MAP2K4: variants seen among roughly 807,000 people sequenced by gnomAD.
MAP2K4 encodes dual specificity mitogen-activated protein kinase kinase 4.
In MAP2K4, 4 loss-of-function variants were observed where a neutral mutation model predicts 48.5. The ratio of observed to expected loss-of-function variants is 0.08; its 90% CI spans 0.04 to 0.19. The LOEUF is 0.19. Ranked by LOEUF, MAP2K4 falls within the 10% of genes least tolerant of loss-of-function variation. The pLI is 1.00. For missense variants in MAP2K4, 258 were observed against 493.3 expected, an observed-to-expected ratio of 0.52 and a Z score of 4.52; for synonymous variants, 166 against 173.1, an observed-to-expected ratio of 0.96 and a Z score of 0.32.
intron 2 of MAP2K4, among the ~76,000 whole-genome samples, chr17:12,060,741 G>T (rs903567461): frequency 6.6e-6 from 1 of 151,988 alleles, no homozygotes; most frequent in African/African-American, 2.4e-5. Flanking sequence ...GTGTGTGTGT[G>T]TGTGTGCGCG....
intron 1 of MAP2K4, among the ~76,000 whole-genome samples, chr17:12,035,772 G>A (rs569449907): frequency 6.6e-6 from 1 of 152,288 alleles, no homozygotes; most frequent in South Asian, 2.1e-4. Context: ...TGATAAGTCT[G>A]AGTACTGGCT....
intron 1 of MAP2K4, among the ~76,000 whole-genome samples, chr17:12,041,970 C>T (rs1479161359): frequency 1.3e-5 from 2 of 151,994 alleles, no homozygotes; most frequent in African/African-American, 4.8e-5. Flanking sequence ...CACCTGAGGT[C>T]AGGAGTTTGA....
At chr17:12,086,135 A>T (rs2151552716) in intron 3 of MAP2K4, among the ~76,000 whole-genome samples, 1 of 152,272 alleles carries the variant, frequency 6.6e-6, no homozygotes, top group Non-Finnish European at 1.5e-5. Flanking sequence ...GGCCGCAGTG[A>T]TCATATTTGA....
intron 6 of MAP2K4, among the ~76,000 whole-genome samples, chr17:12,111,911 T>C (rs969552053): frequency 2.6e-5 from 4 of 152,144 alleles, no homozygotes; most frequent in African/African-American, 7.2e-5. Flanking sequence ...CAGTTCCCAC[T>C]ATCATGTCTA....
In MAP2K4 at chr17:12,081,869, G is replaced by A. The variant is rs545537857; in HGVS notation, c.393+339G>A. 2.6e-5 allele frequency: 14 copies of A among 540,092 alleles called. No homozygotes were observed. The East Asian group carries it at 4.0e-4, about 15-fold the overall frequency. 33.5% of individuals were successfully genotyped at this position (540,092 alleles called of 1,614,324 possible). A position where few individuals can be genotyped will look rare whatever the true frequency, so the allele number is the denominator to read the frequency against. On this transcript the variant is annotated intron_variant, in intron 3 of 10. Coordinates refer to ENST00000353533, the MANE Select transcript of MAP2K4 (RefSeq NM_003010.4). This position sits in a 1 kb window ranked among gnomAD's most constrained non-coding sequence, Gnocchi z 4.2. The stretch of plus-strand genomic sequence containing the variant: ...AGGGCAGTGCTGCACTGAGCCAGGC[G>A]GGAGCTGGAAGAAGACGCAGCACAC...
chr17:12,107,315 C>T (rs1972144934), intron 4 of MAP2K4, among the ~76,000 whole-genome samples: 1 of 150,830 alleles, frequency 6.6e-6, no homozygotes, highest in Non-Finnish European at 1.5e-5. Flanking sequence ...GTAGGCCTCA[C>T]TGAGAAGGTG....
At position 12,086,530 on chromosome 17, in the gene MAP2K4, C is replaced by A. The variant is rs528611425; in HGVS notation, c.393+5000C>A. Among the ~76,000 whole-genome samples the A allele has an allele frequency of 2.6e-5, 4 of 152,164 alleles. No individual in the cohort carries two copies. The South Asian group carries it at 6.2e-4, about 24-fold the overall frequency. On this transcript the variant is annotated intron_variant, in intron 3 of 10. Coordinates refer to ENST00000353533, the MANE Select transcript of MAP2K4 (RefSeq NM_003010.4). Reference sequence around the variant, plus strand: ...CCATTAACAGAATTGGATGTGCAACCCAAGAAATAAAACAGCCAAAATCAG... The same window carrying A: ...CCATTAACAGAATTGGATGTGCAACACAAGAAATAAAACAGCCAAAATCAG...
intron 2 of MAP2K4, among the ~76,000 whole-genome samples, chr17:12,076,279 C>CTGTGTGTGTGTGTGTGTGTG (rs372806903): frequency 5.2e-5 from 7 of 135,174 alleles, no homozygotes; most frequent in Admixed American, 7.5e-5. Context: ...TGTCACAGTT[C>CTGTGTGTGTGTGTGTGTGTG]TGTGTGTGTG....
chr17:12,020,932 A>C lies in MAP2K4; in HGVS notation c.46A>C (p.Ser16Arg), dbSNP rs17855590. The C allele has an allele frequency of 3.4e-4, 391 of 1,143,792 alleles. 1 individual carries two copies. Among genetic ancestry groups the C allele is most frequent in the Non-Finnish European group, 3.7e-4 (350 of 935,590 alleles). The allele number at this position is 1,143,792 out of a possible 1,614,324, so 70.9% of individuals were successfully genotyped here. The change falls in exon 1 of 11, where the codon AGC becomes CGC. Residue 16 changes from serine to arginine, a missense_variant. Physicochemically the swap from Ser to Arg is moderately radical, Grantham distance 110. Around this residue, in one of 3 missense-constraint regions of MAP2K4, gnomAD observed 69 missense variants for 56.2 expected, o/e 1.23. Coordinates refer to ENST00000353533, the MANE Select transcript of MAP2K4 (RefSeq NM_003010.4). ...CGGCGGCGGCGGCTCCGGGGGCGGC[A>C]GCGGCAGCGGCACCCCCGGCCCCGT... ...PSGGGGSGGGSGSGTPGPVGS... is the reference protein window; with the variant it reads ...PSGGGGSGGGRGSGTPGPVGS...
intron 1 of MAP2K4, among the ~76,000 whole-genome samples, chr17:12,038,518 C>T (rs1969673334): frequency 6.6e-6 from 1 of 151,996 alleles, no homozygotes; most frequent in South Asian, 2.1e-4. Flanking sequence ...TCTATATATA[C>T]CTTCGACAGA....
chr17:12,032,208 C>A, intron 1 of MAP2K4: 1 of 887,032 alleles, frequency 1.1e-6, no homozygotes, highest in South Asian at 2.3e-5. Flanking sequence ...TGTCATGTTC[C>A]AATTTTGGTT....
intron 7 of MAP2K4, among the ~76,000 whole-genome samples, chr17:12,121,520 A>AGCC (rs1298634138): frequency 6.8e-6 from 1 of 148,008 alleles, no homozygotes; most frequent in Non-Finnish European, 1.5e-5. Context: ...GCTTGCAGTG[A>AGCC]GCCGAGATCG....
chr17:12,089,514 C>G (rs1263511757), intron 3 of MAP2K4, among the ~76,000 whole-genome samples: 2 of 152,150 alleles, frequency 1.3e-5, no homozygotes, highest in African/African-American at 4.8e-5. Context: ...TGATTGAATT[C>G]GTTACCTTGC....
chr17:12,120,090 C>T (rs1412392922), intron 7 of MAP2K4, among the ~76,000 whole-genome samples: 1 of 152,156 alleles, frequency 6.6e-6, no homozygotes, highest in African/African-American at 2.4e-5. Flanking sequence ...GTCTGTACAA[C>T]AGACCTCTGT....
intron 1 of MAP2K4, among the ~76,000 whole-genome samples, chr17:12,049,089 A>G (rs1970055105): frequency 6.6e-6 from 1 of 152,220 alleles, no homozygotes; most frequent in African/African-American, 2.4e-5. Flanking sequence ...GTTTGACTGT[A>G]AAGTTGCATA....
intron 2 of MAP2K4, among the ~76,000 whole-genome samples, chr17:12,066,687 C>T (rs12941427): frequency 0.17 from 25,586 of 152,122 alleles, 2,529 homozygotes; most frequent in South Asian, 0.3. Context: ...CACTACCACA[C>T]ATGGCTAATT....
chr17:12,064,393 A>G (rs528826097), intron 2 of MAP2K4, among the ~76,000 whole-genome samples: 2 of 152,326 alleles, frequency 1.3e-5, no homozygotes, highest in East Asian at 3.9e-4. Context: ...AAAGAACCCA[A>G]TTTGAAAAAT....
In MAP2K4 at chr17:12,141,353, C is replaced by T. The variant is rs1973372673; in HGVS notation, c.*93C>T. On this transcript the variant is annotated 3_prime_UTR_variant, in exon 11 of 11. Coordinates refer to ENST00000353533, the MANE Select transcript of MAP2K4 (RefSeq NM_003010.4). Reference sequence around the variant, plus strand: ...CGTATCACAGTGTTTTTATTGCTCGCCCAGACACCATGTGCAATAAGATTG... The same window carrying T: ...CGTATCACAGTGTTTTTATTGCTCGTCCAGACACCATGTGCAATAAGATTG... 2 of 865,678 alleles carry T rather than the reference C, an allele frequency of 2.3e-6. No homozygotes were observed. The highest frequency in any genetic ancestry group is 2.4e-5 in the East Asian group (1 of 41,032). 53.6% of individuals were successfully genotyped at this position (865,678 alleles called of 1,614,324 possible).
intron 4 of MAP2K4, among the ~76,000 whole-genome samples, chr17:12,096,839 CTAGTAACAACACA>C (rs1332382916): frequency 2.6e-5 from 4 of 152,158 alleles, no homozygotes; most frequent in Non-Finnish European, 5.9e-5. Context: ...TACTAGGTAA[CTAGTAACAACACA>C]TTCTGCTTCA....
Sources: gnomAD v4.1 joint callset for allele counts (sites outside exome capture counted in the v4.1 genomes callset) on GRCh38, gnomAD v4.1.1 for gene constraint, gnomAD v4.1.1 regional missense constraint, Gnocchi (gnomAD v3.1) non-coding constraint, MANE v1.5 for transcripts, NCBI Gene and HGNC (gene_info 2026-07-23, HGNC 2026-07-21) for gene names.